Variants in TRMT44 observed in about 807,000 individuals in gnomAD.
TRMT44 encodes the protein tRNA methyltransferase 44 homolog, also known as probable tRNA (uracil-O(2)-)-methyltransferase.
TRMT44 carries 78 observed loss-of-function variants against 77.3 expected under a neutral mutation model. The observed-to-expected ratio is 1.01, with a 90% CI of 0.84 to 1.22. The LOEUF is 1.22. Ranked by LOEUF, TRMT44 falls within the 50% of genes most tolerant of loss-of-function variation. TRMT44 has a pLI of 0.00. For synonymous variants in TRMT44, 391 were observed against 383.3 expected, an observed-to-expected ratio of 1.02 and a Z score of -0.23; for missense variants, 1,090 against 964.4, an observed-to-expected ratio of 1.13 and a Z score of -1.73.
chr4:8,458,301 C>T (rs1725937325), intron 6 of TRMT44, among the ~76,000 whole-genome samples: 1 of 152,176 alleles, frequency 6.6e-6, no homozygotes, highest in Non-Finnish European at 1.5e-5. Flanking sequence ...CCACCTCCTC[C>T]ATGTCTTCCA....
Position 8,465,574 on chromosome 4 carries a change from C to A in TRMT44, c.1494+13C>A. The A allele has an allele frequency of 6.2e-7, 1 of 1,606,800 alleles. No homozygotes were observed. Among genetic ancestry groups the A allele is most frequent in the Non-Finnish European group, 8.5e-7 (1 of 1,175,852 alleles). On this transcript the variant is annotated intron_variant, in intron 8 of 10. Coordinates refer to ENST00000389737, the MANE Select transcript of TRMT44 (RefSeq NM_152544.3). ...TTCAACCAAAAGAGTATGTCTGATT[C>A]TCATGTTGTTCTAGGCGGTGTGTCG...
At position 8,441,184 on chromosome 4, in the gene TRMT44, T is replaced by C. The variant is rs930858483; in HGVS notation, c.362T>C (p.Leu121Pro). ...CAGAGGGAAGCCGCCTCAGTGCCCC[T>C]GAGGGACTCCGGGCACCCCGGCCAT... ...EAQREAASVP[L>P]RDSGHPGHAE... Residue 121 changes from leucine (L) to proline (P), a missense_variant, in exon 1 of 11, where the codon CTG (leucine) becomes CCG (proline). Transcript: ENST00000389737. 3.9e-6 allele frequency: 6 copies of C among 1,534,408 alleles called. No homozygotes were observed. The highest frequency in any genetic ancestry group is 5.2e-6 in the Non-Finnish European group (6 of 1,146,046).
chr4:8,498,567 C>G, the TRMT44 span, among the ~76,000 whole-genome samples: 1 of 152,178 alleles, frequency 6.6e-6, no homozygotes, highest in Non-Finnish European at 1.5e-5. The surrounding 1 kb of genome is among the most constrained non-coding windows in gnomAD (Gnocchi z 4.3). Context: ...GATTTTCTTT[C>G]TCAGTGTTAT....
In TRMT44 at chr4:8,451,916, T is replaced by C. The variant is rs1456521798; in HGVS notation, c.955-44T>C. 1 of 1,510,084 alleles carries C rather than the reference T, an allele frequency of 6.6e-7. No individual in the cohort carries two copies. The highest frequency in any genetic ancestry group is 2.5e-5 in the East Asian group (1 of 40,754). 93.5% of individuals were successfully genotyped at this position (1,510,084 alleles called of 1,614,324 possible). Reference sequence around the variant, plus strand: ...TACTTAAAGTATTGGGAAATGGTGGTGGGGAAACCGAACAATTTATGTTTG... The same window carrying C: ...TACTTAAAGTATTGGGAAATGGTGGCGGGGAAACCGAACAATTTATGTTTG... On this transcript the variant is annotated intron_variant, in intron 3 of 10. Coordinates refer to ENST00000389737, the MANE Select transcript of TRMT44 (RefSeq NM_152544.3). This position sits in a 1 kb window ranked among gnomAD's most constrained non-coding sequence, Gnocchi z 4.1.
intron 10 of TRMT44, chr4:8,473,577 C>G (rs1727170563): frequency 6.6e-6 from 1 of 152,508 alleles, no homozygotes. Context: ...GAGTGTCTGT[C>G]TGCTGTCAGA....
rs1319421156 is a variant in TRMT44, at chr4:8,444,808, C to T, written c.620-1668C>T. ...CATTCTCCATGATGTGATTAGTTCA[C>T]ATTGCATGCCTGGATCAAAACATTT... On this transcript the variant is annotated intron_variant, in intron 1 of 10. Coordinates refer to ENST00000389737, the MANE Select transcript of TRMT44 (RefSeq NM_152544.3). This position sits in a 1 kb window ranked among gnomAD's most constrained non-coding sequence, Gnocchi z 4.0. Among the ~76,000 whole-genome samples, 1 of 152,232 alleles carries T rather than the reference C, an allele frequency of 6.6e-6. No individual in the cohort carries two copies.
downstream of TRMT44, among the ~76,000 whole-genome samples, chr4:8,498,381 AC>A (rs1445042756): frequency 1.3e-5 from 2 of 152,336 alleles, no homozygotes; most frequent in African/African-American, 4.8e-5. This position sits in a 1 kb window ranked among gnomAD's most constrained non-coding sequence, Gnocchi z 4.3. Flanking sequence ...TGGGTAATTT[AC>A]AAAGAAAAGA....
At position 8,454,743 on chromosome 4, in the gene TRMT44, A is replaced by T. The variant is rs765484797; in HGVS notation, c.1133A>T (p.His378Leu). The change falls in exon 6 of 11, where the codon CAT becomes CTT. Residue 378 changes from histidine to leucine, a missense_variant and splice_region_variant. Coordinates refer to ENST00000389737, the MANE Select transcript of TRMT44 (RefSeq NM_152544.3). ...LLVHILSSEGHPGRGIDVRRR... is the reference protein window; with the variant it reads ...LLVHILSSEGLPGRGIDVRRR... The stretch of plus-strand genomic sequence containing the variant: ...GATTTCTAAAATTAATTTTTTCAGC[A>T]TCCAGGCAGAGGGATTGATGTCCGA... 1 of 1,614,170 alleles carries T rather than the reference A, an allele frequency of 6.2e-7. No individual in the cohort carries two copies. The highest frequency in any genetic ancestry group is 1.7e-5 in the Admixed American group (1 of 60,016).
rs1184797033 is a variant in TRMT44, at chr4:8,446,579, C to CA, written c.726dup (p.Glu243ArgfsTer47). On this transcript the variant is annotated frameshift_variant, in exon 2 of 11. Coordinates refer to ENST00000389737, the MANE Select transcript of TRMT44 (RefSeq NM_152544.3). LOFTEE classifies it high-confidence loss of function. The surrounding 1 kb of genome is among the most constrained non-coding windows in gnomAD (Gnocchi z 4.3). ...TGTATCAAATTCAGCTCAGTCATAG[C>CA]AAAGAAGAATGGTAAGAGCTGGACA... is the stretch of plus-strand genomic sequence containing the variant. 17 of 1,533,616 alleles carry CA rather than the reference C, an allele frequency of 1.1e-5. No homozygotes were observed. Among genetic ancestry groups the CA allele is most frequent in the Non-Finnish European group, 1.3e-5 (15 of 1,144,730 alleles).
chr4:8,502,165 G>GTTA, the TRMT44 span, among the ~76,000 whole-genome samples: 1 of 152,326 alleles, frequency 6.6e-6, no homozygotes, highest in South Asian at 2.1e-4. Context: ...AGCCCTGAAG[G>GTTA]TTAATGGGTG....
intron 6 of TRMT44, among the ~76,000 whole-genome samples, chr4:8,459,637 T>C (rs926065856): frequency 3.9e-5 from 6 of 152,222 alleles, no homozygotes; most frequent in Admixed American, 1.3e-4. Flanking sequence ...GCCATAATGC[T>C]TTTCGAAAAG....
intron 8 of TRMT44, 32 bp downstream of exon 8, chr4:8,465,593 T>G (rs774602133): frequency 6.3e-7 from 1 of 1,580,068 alleles, no homozygotes; most frequent in Admixed American, 1.7e-5. Flanking sequence ...TTCTAGGCGG[T>G]GTGTCGGTGT....
At chr4:8,441,577 T>C in intron 1 of TRMT44, 136 bp downstream of exon 1, 2 of 1,043,002 alleles carry the variant, frequency 1.9e-6, no homozygotes, top group South Asian at 4.3e-5. Flanking sequence ...TCATAGTTTT[T>C]TGAGTGGGCG....
At chr4:8,507,358 C>T in the TRMT44 span, 7 of 152,516 alleles carry the variant, frequency 4.6e-5, no homozygotes, top group Non-Finnish European at 7.3e-5. Context: ...AGCCCAGAAT[C>T]GCCTGGCAGT....
In TRMT44 at chr4:8,468,357, C is replaced by A; in HGVS notation, c.1927+11C>A. The A allele has an allele frequency of 6.2e-7, 1 of 1,613,622 alleles. No homozygotes were observed. The highest frequency in any genetic ancestry group is 8.5e-7 in the Non-Finnish European group (1 of 1,179,816). On this transcript the variant is annotated intron_variant, in intron 9 of 10. Coordinates refer to ENST00000389737, the MANE Select transcript of TRMT44 (RefSeq NM_152544.3). ...CCTGGAATGGGGGAGGTAAGCTGTC[C>A]ACCATCTTAGGGAGGGGCTAGCACG...
the TRMT44 span, among the ~76,000 whole-genome samples, chr4:8,506,288 G>A: frequency 2.0e-4 from 31 of 152,320 alleles, no homozygotes; most frequent in East Asian, 3.3e-3. Context: ...TGCTGAGGGC[G>A]CTTGGAGTGC....
chr4:8,496,661 G>A (rs1196995526), downstream of TRMT44, among the ~76,000 whole-genome samples: 10 of 152,176 alleles, frequency 6.6e-5, no homozygotes, highest in African/African-American at 1.9e-4. Context: ...AATTAGAAAC[G>A]CGTATTAATC....
At chr4:8,456,959 G>A (rs535732229) in intron 6 of TRMT44, among the ~76,000 whole-genome samples, 112 of 152,046 alleles carry the variant, frequency 7.4e-4, no homozygotes, top group Non-Finnish European at 1.5e-3. Context: ...GCCCAAGGCT[G>A]GAGGATCGCT....
chr4:8,468,199 A>C lies in TRMT44; in HGVS notation c.1780A>C (p.Lys594Gln). 2.5e-6 allele frequency: 4 copies of C among 1,614,236 alleles called. No individual in the cohort carries two copies. The highest frequency in any genetic ancestry group is 3.4e-6 in the Non-Finnish European group (4 of 1,180,040). The change falls in exon 9 of 11, where the codon AAG becomes CAG. Residue 594 changes from lysine to glutamine, a missense_variant. Coordinates refer to ENST00000389737, the MANE Select transcript of TRMT44 (RefSeq NM_152544.3). ...PWLPGFHPRE[K>Q]AERVRNCAAL... Reference sequence around the variant, plus strand: ...GCTACCTGGATTTCATCCCAGAGAAAAGGCTGAGCGTGTGAGGAACTGTGC... The same window carrying C: ...GCTACCTGGATTTCATCCCAGAGAACAGGCTGAGCGTGTGAGGAACTGTGC...
Sources: gnomAD v4.1 joint callset for allele counts (sites outside exome capture counted in the v4.1 genomes callset) on GRCh38, gnomAD v4.1.1 for gene constraint, Gnocchi (gnomAD v3.1) non-coding constraint, MANE v1.5 for transcripts, NCBI Gene and HGNC (gene_info 2026-07-23, HGNC 2026-07-21) for gene names.